NRXN3: variants seen among roughly 807,000 people sequenced by gnomAD.
NRXN3 encodes the protein neurexin III.
A neutral mutation model predicts 137.6 loss-of-function variants in NRXN3; 32 were observed. The observed-to-expected ratio is 0.23, with a 90% CI of 0.18 to 0.31. NRXN3 has a LOEUF of 0.31. Ranked by LOEUF, NRXN3 falls within the 10% of genes least tolerant of loss-of-function variation. NRXN3 has a pLI of 1.00. For missense variants in NRXN3, 1,574 were observed against 2,062.5 expected (o/e 0.76, Z 4.59); for synonymous variants, 798 against 784.5 (o/e 1.02, Z -0.29).
intron 11 of NRXN3, among the ~76,000 whole-genome samples, chr14:78,964,046 G>A (rs117567203): frequency 0.016 from 2,441 of 152,170 alleles, 29 homozygotes; most frequent in Non-Finnish European, 0.026. Flanking sequence ...TGGGATTACA[G>A]GCATGAGCCA....
At chr14:79,607,385 G>A (rs1375067817) in intron 16 of NRXN3, among the ~76,000 whole-genome samples, 2 of 152,152 alleles carry the variant, frequency 1.3e-5, no homozygotes, top group African/African-American at 4.8e-5. Flanking sequence ...GCAATGTGTA[G>A]AATTTCAATC....
chr14:79,769,864 G>A (rs1272669724), intron 19 of NRXN3, among the ~76,000 whole-genome samples: 2 of 152,136 alleles, frequency 1.3e-5, no homozygotes, highest in Non-Finnish European at 2.9e-5. Flanking sequence ...TCAGTGTGCT[G>A]TATTCAGGAA....
chr14:78,840,428 T>C (rs1310544968), intron 10 of NRXN3, among the ~76,000 whole-genome samples: 1 of 152,188 alleles, frequency 6.6e-6, no homozygotes, highest in African/African-American at 2.4e-5. Context: ...TTATATTACT[T>C]AGAAGTTAAA....
intron 15 of NRXN3, among the ~76,000 whole-genome samples, chr14:79,244,852 G>A (rs999323180): frequency 2.6e-5 from 4 of 152,092 alleles, no homozygotes; most frequent in African/African-American, 9.7e-5. Flanking sequence ...AAGTCTCCAA[G>A]GGAACACTTA....
At chr14:78,280,642 C>T (rs8008429) in intron 3 of NRXN3, among the ~76,000 whole-genome samples, 49,312 of 151,980 alleles carry the variant, frequency 0.32, 8,847 homozygotes, top group Middle Eastern at 0.45. Context: ...AACCTGTGTT[C>T]CTCTTGCCAA....
intron 10 of NRXN3, among the ~76,000 whole-genome samples, chr14:78,821,656 C>T (rs560502039): frequency 6.6e-6 from 1 of 151,584 alleles, no homozygotes; most frequent in Non-Finnish European, 1.5e-5. Context: ...TGTACCTTTC[C>T]CATCTCACAG....
Position 79,003,121 on chromosome 14 carries a change from G to A in NRXN3, c.3262+14980G>A, listed in dbSNP as rs58626401. ...AGCCTCCCAAGTAGCTTGAACTACAGGAACCCATCACAGTACCCAGTATAT... is the reference window on the plus strand; with the variant it reads ...AGCCTCCCAAGTAGCTTGAACTACAAGAACCCATCACAGTACCCAGTATAT... On this transcript the variant is annotated intron_variant, in intron 15 of 20. Coordinates refer to ENST00000335750, the MANE Select transcript of NRXN3 (RefSeq NM_001330195.2). 6.6e-3 allele frequency among the ~76,000 whole-genome samples: 1,006 copies of A among 152,182 alleles called. 10 individuals are homozygous for A. Among genetic ancestry groups the A allele is most frequent in the African/African-American group, 0.022 (918 of 41,514 alleles).
intron 15 of NRXN3, chr14:79,074,632 A>G (rs1255786749): frequency 2.0e-5 from 3 of 152,238 alleles, no homozygotes; most frequent in Non-Finnish European, 4.4e-5. Flanking sequence ...CCTTTATCAC[A>G]TTCCTCAGAT....
At chr14:79,015,312 C>T (rs1209657888) in intron 15 of NRXN3, among the ~76,000 whole-genome samples, 1 of 152,188 alleles carries the variant, frequency 6.6e-6, no homozygotes, top group Non-Finnish European at 1.5e-5. Context: ...TTTCTTCTTA[C>T]ATCCAAGCCC....
intron 16 of NRXN3, among the ~76,000 whole-genome samples, chr14:79,644,236 A>C (rs1357742897): frequency 7.3e-6 from 1 of 136,062 alleles, no homozygotes; most frequent in Non-Finnish European, 1.7e-5. Flanking sequence ...TCTTTCATAA[A>C]TATTACATAT....
chr14:78,236,203 A>G (rs2066279660), intron 1 of NRXN3, among the ~76,000 whole-genome samples: 2 of 152,236 alleles, frequency 1.3e-5, no homozygotes, highest in African/African-American at 2.4e-5. Context: ...AACTGAACAC[A>G]TTACGCAGAA....
At chr14:79,384,585 AG>A in intron 15 of NRXN3, among the ~76,000 whole-genome samples, 1 of 152,254 alleles carries the variant, frequency 6.6e-6, no homozygotes, top group South Asian at 2.1e-4. Flanking sequence ...GTTAACCCAA[AG>A]TTTTGGCCTC....
chr14:79,554,142 CA>C (rs2153751465), intron 16 of NRXN3, among the ~76,000 whole-genome samples: 1 of 152,092 alleles, frequency 6.6e-6, no homozygotes, highest in Non-Finnish European at 1.5e-5. Flanking sequence ...GGAAATAATT[CA>C]AAAAGAAAAC....
At chr14:79,820,026 T>A (rs2141015717) in intron 20 of NRXN3, among the ~76,000 whole-genome samples, 1 of 135,920 alleles carries the variant, frequency 7.4e-6, no homozygotes, top group East Asian at 1.9e-4. Flanking sequence ...GCTTCCTTGA[T>A]CTCCCGCCCA....
chr14:78,365,163 T>G (rs2085733541), intron 4 of NRXN3, among the ~76,000 whole-genome samples: 1 of 152,076 alleles, frequency 6.6e-6, no homozygotes, highest in Admixed American at 6.6e-5. Context: ...ATTTATAAAT[T>G]TATATATATA....
chr14:79,674,261 A>AT (rs925766640), intron 17 of NRXN3, among the ~76,000 whole-genome samples: 146 of 150,432 alleles, frequency 9.7e-4, no homozygotes, highest in African/African-American at 1.8e-3. Flanking sequence ...TTTTACTTAA[A>AT]TTTTTTTTTT....
intron 1 of NRXN3, among the ~76,000 whole-genome samples, chr14:78,209,292 G>T (rs781647644): frequency 2.0e-5 from 3 of 152,148 alleles, no homozygotes; most frequent in Non-Finnish European, 4.4e-5. Context: ...CTGAGGTAAA[G>T]GAGAGGGCAG....
intron 8 of NRXN3, among the ~76,000 whole-genome samples, chr14:78,720,123 G>T (rs1273315643): frequency 1.3e-5 from 2 of 151,616 alleles, no homozygotes; most frequent in East Asian, 3.9e-4. Flanking sequence ...TTCTGTTTTA[G>T]GTCTCTTCTT....
At position 78,243,275 on chromosome 14, in the gene NRXN3, C is replaced by T. The variant is rs772146074; in HGVS notation, c.182C>T (p.Thr61Met). The change falls in exon 2 of 21, where the codon ACG becomes ATG. Residue 61 changes from threonine (T) to methionine (M), a missense_variant. Thr to Met is a moderately conservative substitution (Grantham distance 81). Around this residue, in one of 5 missense-constraint regions of NRXN3, gnomAD observed 400 missense variants for 527.3 expected, o/e 0.76. Transcript: ENST00000335750. This position sits in a 1 kb window ranked among gnomAD's most constrained non-coding sequence, Gnocchi z 4.2. ...TTCCAGTTCAAGACCAACGTCTCTA[C>T]GGGGCTGCTCCTCTACCTGGATGAT... ...LSFQFKTNVS[T>M]GLLLYLDDGG... The T allele has an allele frequency of 5.7e-5, 89 of 1,561,294 alleles. 2 individuals are homozygous for T. In the Middle Eastern group the frequency reaches 8.3e-4, roughly 15 times the overall value.
Sources: gnomAD v4.1 joint callset for allele counts (sites outside exome capture counted in the v4.1 genomes callset) on GRCh38, gnomAD v4.1.1 for gene constraint, gnomAD v4.1.1 regional missense constraint, Gnocchi (gnomAD v3.1) non-coding constraint, MANE v1.5 for transcripts, NCBI Gene and HGNC (gene_info 2026-07-23, HGNC 2026-07-21) for gene names.